SV2C: variants seen among roughly 807,000 people sequenced by gnomAD.
SV2C encodes the protein synaptic vesicle glycoprotein 2C.
In SV2C, 49 loss-of-function variants were observed where a neutral mutation model predicts 79.7. The ratio of observed to expected loss-of-function variants is 0.61; its 90% CI spans 0.49 to 0.78. The LOEUF is 0.78. Ranked by LOEUF, SV2C falls within the 30% of genes least tolerant of loss-of-function variation. SV2C has a pLI of 0.00. For synonymous variants in SV2C, 334 were observed against 333.2 expected, an observed-to-expected ratio of 1.00 and a Z score of -0.03; for missense variants, 833 against 912.9, an observed-to-expected ratio of 0.91 and a Z score of 1.13.
chr5:76,031,372 T>C, the SV2C span, among the ~76,000 whole-genome samples: 3 of 152,176 alleles, frequency 2.0e-5, no homozygotes, highest in Non-Finnish European at 2.9e-5. Context: ...CACCAATCCC[T>C]CTGACTGGGC....
intron 12 of SV2C, among the ~76,000 whole-genome samples, chr5:76,340,280 G>A (rs776842203): frequency 4.2e-4 from 64 of 152,134 alleles, no homozygotes; most frequent in East Asian, 5.8e-4. Context: ...ATAACTATAC[G>A]TATCCTTAGT....
the SV2C span, among the ~76,000 whole-genome samples, chr5:75,882,676 C>A: frequency 6.6e-6 from 1 of 151,362 alleles, no homozygotes; most frequent in Admixed American, 6.6e-5. Context: ...ATAAATGGTG[C>A]TGGGAAAACA....
At chr5:76,151,516 G>T (rs1242144851) in intron 2 of SV2C, among the ~76,000 whole-genome samples, 2 of 152,134 alleles carry the variant, frequency 1.3e-5, no homozygotes, top group African/African-American at 4.8e-5. Context: ...AAATAGTCTA[G>T]CCTTCAGGTG....
intron 12 of SV2C, among the ~76,000 whole-genome samples, chr5:76,324,670 AC>A (rs1222756964): frequency 6.6e-6 from 1 of 150,700 alleles, no homozygotes; most frequent in Non-Finnish European, 1.5e-5. Context: ...GCAGGAGGAC[AC>A]CCCCATCTCT....
At chr5:76,278,465 G>A (rs781155630) in intron 4 of SV2C, among the ~76,000 whole-genome samples, 10 of 152,212 alleles carry the variant, frequency 6.6e-5, no homozygotes, top group Admixed American at 3.9e-4. Context: ...AAATACTCAA[G>A]TAGAGCTGTC....
At chr5:76,245,034 T>G (rs1053048687) in intron 4 of SV2C, among the ~76,000 whole-genome samples, 1 of 152,252 alleles carries the variant, frequency 6.6e-6, no homozygotes, top group African/African-American at 2.4e-5. Context: ...TCAGCTTTTC[T>G]AGGAAATCTT....
intron 1 of SV2C, among the ~76,000 whole-genome samples, chr5:76,099,881 G>A (rs142966016): frequency 3.4e-4 from 51 of 152,188 alleles, no homozygotes; most frequent in African/African-American, 1.2e-3. Flanking sequence ...GTATTTTTTA[G>A]GCTCAGATTT....
rs547064254 is a variant in SV2C, at chr5:76,157,413, G to A, written c.580+25083G>A. Among the ~76,000 whole-genome samples the A allele has an allele frequency of 7.5e-4, 114 of 151,968 alleles. 2 individuals are homozygous for A. In the South Asian group the frequency reaches 0.022, roughly 30 times the overall value. On this transcript the variant is annotated intron_variant, in intron 2 of 12. Transcript: ENST00000502798. The stretch of plus-strand genomic sequence containing the variant: ...GATCTGCCTTACAAGAAATGCTAAA[G>A]TTATTTAGTCTGAAAGCAAGTAACT...
At chr5:76,045,662 T>C in the SV2C span, among the ~76,000 whole-genome samples, 1 of 152,222 alleles carries the variant, frequency 6.6e-6, no homozygotes, top group Non-Finnish European at 1.5e-5. Flanking sequence ...AGATGTTTGT[T>C]TTCTTTCATG....
chr5:76,048,665 A>C, the SV2C span, among the ~76,000 whole-genome samples: 1 of 149,790 alleles, frequency 6.7e-6, no homozygotes, highest in Non-Finnish European at 1.5e-5. Flanking sequence ...TGAGAGCATG[A>C]GAGAGAGCTA....
At chr5:76,045,457 AT>A in the SV2C span, among the ~76,000 whole-genome samples, 3 of 152,112 alleles carry the variant, frequency 2.0e-5, no homozygotes, top group Non-Finnish European at 4.4e-5. Context: ...AAGAATGTCA[AT>A]GGTCATTTGA....
the SV2C span, among the ~76,000 whole-genome samples, chr5:75,897,857 T>C: frequency 6.6e-6 from 1 of 152,164 alleles, no homozygotes; most frequent in Non-Finnish European, 1.5e-5. Flanking sequence ...ACTCATGATT[T>C]GGCTCTCTGT....
chr5:76,009,383 C>T, the SV2C span, among the ~76,000 whole-genome samples: 55 of 152,240 alleles, frequency 3.6e-4, no homozygotes, highest in African/African-American at 1.3e-3. Context: ...ACAGAATTAC[C>T]ATTTGACCCA....
chr5:76,282,954 G>A (rs1747242091), intron 4 of SV2C, among the ~76,000 whole-genome samples: 1 of 152,216 alleles, frequency 6.6e-6, no homozygotes, highest in South Asian at 2.1e-4. Context: ...AAAGATTACA[G>A]TGAGCCGAGA....
intron 1 of SV2C, among the ~76,000 whole-genome samples, chr5:76,130,206 A>C (rs1748841572): frequency 1.3e-5 from 2 of 148,276 alleles, no homozygotes; most frequent in South Asian, 2.1e-4. Context: ...AAACAGAAAA[A>C]TCATTTACTA....
At chr5:76,336,131 C>T (rs1387095684), downstream of SV2C, among the ~76,000 whole-genome samples, 1 of 136,172 alleles carries the variant, frequency 7.3e-6, no homozygotes, top group South Asian at 2.3e-4. Context: ...CCGGACGGGG[C>T]GGCTGGCCTG....
intron 6 of SV2C, among the ~76,000 whole-genome samples, chr5:76,289,847 C>T (rs963953028): frequency 1.3e-5 from 2 of 152,364 alleles, no homozygotes; most frequent in East Asian, 3.9e-4. Flanking sequence ...AAGCCTCTCT[C>T]TCACTTCCAG....
intron 1 of SV2C, among the ~76,000 whole-genome samples, chr5:76,127,564 C>G (rs1336319153): frequency 1.3e-5 from 2 of 152,110 alleles, no homozygotes; most frequent in African/African-American, 4.8e-5. Context: ...AAATATTTAT[C>G]AAGTGGTTTT....
chr5:75,973,160 A>T, the SV2C span, among the ~76,000 whole-genome samples: 1 of 150,602 alleles, frequency 6.6e-6, no homozygotes, highest in African/African-American at 2.5e-5. Flanking sequence ...GGAACATCAC[A>T]CACCGGGGAC....
Sources: gnomAD v4.1 joint callset for allele counts (sites outside exome capture counted in the v4.1 genomes callset) on GRCh38, gnomAD v4.1.1 for gene constraint, MANE v1.5 for transcripts, NCBI Gene and HGNC (gene_info 2026-07-23, HGNC 2026-07-21) for gene names.